MACROD2: variants seen among roughly 807,000 people sequenced by gnomAD.
The protein encoded by MACROD2 is ADP-ribose glycohydrolase MACROD2.
In MACROD2, 36 loss-of-function variants were observed where a neutral mutation model predicts 70.4. That is an observed-to-expected ratio of 0.51 (90% confidence interval 0.39 to 0.68). The LOEUF is 0.68. Among genes scored for constraint, MACROD2 ranks in the 30% least tolerant of loss-of-function variants. The pLI is 0.00. For synonymous variants in MACROD2, 172 were observed against 178.8 expected (o/e 0.96, Z 0.30); for missense variants, 496 against 538.4 (o/e 0.92, Z 0.78).
At chr20:15,509,371 C>T (rs2047469771) in intron 8 of MACROD2, among the ~76,000 whole-genome samples, 1 of 152,090 alleles carries the variant, frequency 6.6e-6, no homozygotes, top group Admixed American at 6.5e-5. Flanking sequence ...TAAGAAATAG[C>T]ATGAGACAGG....
At chr20:15,264,923 C>G (rs2077279688) in intron 6 of MACROD2, among the ~76,000 whole-genome samples, 1 of 152,068 alleles carries the variant, frequency 6.6e-6, no homozygotes, top group Non-Finnish European at 1.5e-5. Context: ...TCAGAGAGAC[C>G]TTAGATCTGA....
At chr20:15,655,765 A>T (rs2049720790) in intron 8 of MACROD2, among the ~76,000 whole-genome samples, 1 of 152,208 alleles carries the variant, frequency 6.6e-6, no homozygotes, top group Non-Finnish European at 1.5e-5. Flanking sequence ...CAACACACAC[A>T]TGTCCACACG....
At chr20:15,200,791 C>G (rs2145928037) in intron 5 of MACROD2, among the ~76,000 whole-genome samples, 1 of 152,308 alleles carries the variant, frequency 6.6e-6, no homozygotes, top group African/African-American at 2.4e-5. Flanking sequence ...TACAGATCCT[C>G]TATACATCTT....
chr20:14,423,625 A>G (rs182212679), intron 3 of MACROD2, among the ~76,000 whole-genome samples: 2,514 of 145,774 alleles, frequency 0.017, 67 homozygotes, highest in African/African-American at 0.059. Flanking sequence ...GCTTGAACCC[A>G]GGAGGCGGAG....
chr20:16,006,188 C>A (rs2066785690), intron 15 of MACROD2, among the ~76,000 whole-genome samples: 1 of 152,068 alleles, frequency 6.6e-6, no homozygotes, highest in African/African-American at 2.4e-5. Flanking sequence ...GCCTCCAGGG[C>A]TTTGGGACTC....
chr20:14,586,675 C>CT (rs1568684929), intron 4 of MACROD2, among the ~76,000 whole-genome samples: 1 of 152,012 alleles, frequency 6.6e-6, no homozygotes, highest in Non-Finnish European at 1.5e-5. Flanking sequence ...ACACCCTTTG[C>CT]TTCACTCTTG....
rs567941097 is a variant in MACROD2 at position 15,054,491 on chromosome 20, A to C, written c.419-175449A>C. On this transcript the variant is annotated intron_variant, in intron 5 of 17. Transcript: ENST00000684519. ...AGATGATTATTAGTGTTTTTTAGTA[A>C]TAAAGTATTTTTTAAATTAAGGTAG... 3.3e-5 allele frequency among the ~76,000 whole-genome samples: 5 copies of C among 152,302 alleles called. 1 individual carries two copies. The South Asian group carries it at 1.0e-3, about 32-fold the overall frequency.
chr20:14,069,246 C>T lies in MACROD2; in HGVS notation c.164-16375C>T, dbSNP rs555510894. On this transcript the variant is annotated intron_variant, in intron 2 of 17. Transcript: ENST00000684519. ...ACTGGCATGAGCCACTGTGCCTGGC[C>T]GTTAAAGTTCATTTTAAATTTTTAT... Among the ~76,000 whole-genome samples the T allele has an allele frequency of 5.9e-5, 9 of 152,190 alleles. No homozygotes were observed. In the South Asian group the frequency reaches 1.7e-3, roughly 28 times the overall value.
rs144543373 is a variant in MACROD2, at chr20:15,287,021, A to G, written c.540+56960A>G. Among the ~76,000 whole-genome samples the G allele has an allele frequency of 8.6e-3, 1,315 of 152,332 alleles. 11 individuals are homozygous for G. The highest frequency in any genetic ancestry group is 0.034 in the Middle Eastern group (10 of 294). On this transcript the variant is annotated intron_variant, in intron 6 of 17. Transcript: ENST00000684519. ...GTCAAGGTTTGTACAGTTCCATGCC[A>G]TATTCCTACAACATGTTTGCTCATC... is the stretch of plus-strand genomic sequence containing the variant.
chr20:14,300,923 T>C (rs2082469349), intron 3 of MACROD2, among the ~76,000 whole-genome samples: 1 of 152,244 alleles, frequency 6.6e-6, no homozygotes, highest in Non-Finnish European at 1.5e-5. Context: ...TACTTTTACC[T>C]AAAGTTAGGT....
chr20:15,004,546 A>G (rs1197770320), intron 5 of MACROD2, among the ~76,000 whole-genome samples: 2 of 152,178 alleles, frequency 1.3e-5, no homozygotes, highest in South Asian at 2.1e-4. Context: ...ACAAACACAT[A>G]CATTCATTTA....
intron 6 of MACROD2, among the ~76,000 whole-genome samples, chr20:15,269,283 C>A (rs539657012): frequency 6.6e-6 from 1 of 152,320 alleles, no homozygotes; most frequent in Admixed American, 6.5e-5. Context: ...GCCTGCCCAA[C>A]GTGGCTTGGA....
In MACROD2 at chr20:14,520,400, T is replaced by C. The variant is rs1178751883; in HGVS notation, c.301+26892T>C. 2.0e-5 allele frequency among the ~76,000 whole-genome samples: 3 copies of C among 152,158 alleles called. No individual in the cohort carries two copies. The East Asian group carries it at 5.8e-4, about 29-fold the overall frequency. On this transcript the variant is annotated intron_variant, in intron 4 of 17. Coordinates refer to ENST00000684519, the MANE Select transcript of MACROD2 (RefSeq NM_001351661.2). The stretch of plus-strand genomic sequence containing the variant: ...CCTGAATTCTTTACTCTGATTTATT[T>C]CTTTGATGCTTATCCTTGAGTAGGT...
rs1325366825 is a variant in MACROD2 at position 14,473,786 on chromosome 20, T to G, written c.272-19693T>G. On this transcript the variant is annotated intron_variant, in intron 3 of 17. Transcript: ENST00000684519. ...CACTAACAGTGTGTAAGAGTTCCCC[T>G]TTCTTCACATCCTTGCCAGCATTTG... Among the ~76,000 whole-genome samples, 3 of 152,222 alleles carry G rather than the reference T, an allele frequency of 2.0e-5. No individual in the cohort carries two copies. The East Asian group carries it at 5.8e-4, about 29-fold the overall frequency.
intron 6 of MACROD2, among the ~76,000 whole-genome samples, chr20:15,420,375 C>T (rs1204491976): frequency 6.6e-6 from 1 of 152,098 alleles, no homozygotes; most frequent in Non-Finnish European, 1.5e-5. Context: ...AAAAAGAAAC[C>T]AAGTTATTAC....
chr20:15,607,626 C>T (rs528577022), intron 8 of MACROD2, among the ~76,000 whole-genome samples: 9 of 152,232 alleles, frequency 5.9e-5, no homozygotes, highest in South Asian at 4.2e-4. Flanking sequence ...CTCTGCCTCC[C>T]GGGTTCAAGC....
At chr20:15,729,223 T>C in intron 8 of MACROD2, among the ~76,000 whole-genome samples, 1 of 152,238 alleles carries the variant, frequency 6.6e-6, no homozygotes, top group East Asian at 1.9e-4. Flanking sequence ...TATTGATTTC[T>C]ATTTTTATTG....
chr20:15,185,140 G>A (rs1449821688), intron 5 of MACROD2, among the ~76,000 whole-genome samples: 2 of 152,054 alleles, frequency 1.3e-5, no homozygotes. Context: ...ATTTATCTTT[G>A]TATCCTCCCT....
At chr20:14,566,665 C>T (rs1979828635) in intron 4 of MACROD2, 1 of 151,954 alleles carries the variant, frequency 6.6e-6, no homozygotes, top group East Asian at 1.9e-4. Context: ...GAATTTTCCT[C>T]AGAGACAGCT....
Sources: allele counts gnomAD v4.1 joint callset (sites outside exome capture counted in the v4.1 genomes callset), GRCh38; gene constraint gnomAD v4.1.1; transcripts MANE v1.5; gene names NCBI Gene and HGNC (gene_info 2026-07-23, HGNC 2026-07-21).